The following STEAP3 variants were observed in gnomAD, a reference collection of about 807,000 sequenced individuals.
STEAP3 encodes the protein metalloreductase STEAP3.
In STEAP3, 35 loss-of-function variants were observed where a neutral mutation model predicts 34.9. The observed-to-expected ratio is 1.00, with a 90% CI of 0.76 to 1.33. The LOEUF (loss-of-function observed/expected upper bound fraction) is 1.33, where lower values mean the gene tolerates loss of function less well. Ranked by LOEUF, STEAP3 falls within the 40% of genes most tolerant of loss-of-function variation. The probability of loss-of-function intolerance (pLI) is 0.00; values close to 1 mark genes in which losing one functional copy is unlikely to be tolerated. For missense variants in STEAP3, 652 were observed against 667.6 expected, an observed-to-expected ratio of 0.98 and a Z score of 0.26; for synonymous variants, 281 against 301.6, an observed-to-expected ratio of 0.93 and a Z score of 0.71.
chr2:119,252,201 C>G (rs188756503), intron 4 of STEAP3, among the ~76,000 whole-genome samples: 1 of 152,340 alleles, frequency 6.6e-6, no homozygotes, highest in African/African-American at 2.4e-5. Flanking sequence ...GTGCCTGTTC[C>G]ATGCTACTCA....
At chr2:119,246,953 GTACC>G in intron 3 of STEAP3, 1 of 152,218 alleles carries the variant, frequency 6.6e-6, no homozygotes, top group East Asian at 1.9e-4. Context: ...GAAGACTATA[GTACC>G]TACCTGCGGG....
chr2:119,247,232 G>C (rs1048402443), intron 3 of STEAP3, among the ~76,000 whole-genome samples: 1 of 152,142 alleles, frequency 6.6e-6, no homozygotes, highest in African/African-American at 2.4e-5. Context: ...CATCAAGGGG[G>C]GTGATTCTGA....
intron 5 of STEAP3, among the ~76,000 whole-genome samples, chr2:119,259,811 C>T (rs1343664206): frequency 6.6e-6 from 1 of 152,196 alleles, no homozygotes; most frequent in Admixed American, 6.5e-5. Context: ...CTGGGAAAGC[C>T]CACGACACAG....
chr2:119,257,703 TC>T, intron 5 of STEAP3: 2 of 1,407,640 alleles, frequency 1.4e-6, no homozygotes, highest in Non-Finnish European at 1.9e-6. Flanking sequence ...GCTGCAACCT[TC>T]TCCTTTAAAG....
intron 5 of STEAP3, among the ~76,000 whole-genome samples, chr2:119,256,627 T>A (rs1677781674): frequency 6.6e-6 from 1 of 152,184 alleles, no homozygotes; most frequent in African/African-American, 2.4e-5. Context: ...GAAATACAAA[T>A]AGGACAGTCC....
chr2:119,248,122 C>T lies in STEAP3; in HGVS notation c.966C>T (p.Cys322=), dbSNP rs145832236. Residue 322 remains cysteine, a synonymous_variant, in exon 4 of 6, where the codon TGC becomes TGT. Transcript: ENST00000393110. Reference sequence around the variant, plus strand: ...AGATCGGGCTGCTCAGCTTCTTCTGCGCCGCCCTGCACGCCCTCTACAGCT... The same window carrying T: ...AGATCGGGCTGCTCAGCTTCTTCTGTGCCGCCCTGCACGCCCTCTACAGCT... ...RKQIGLLSFF[C]AALHALYSFC... The T allele has an allele frequency of 5.2e-5, 84 of 1,608,590 alleles. No homozygotes were observed. The highest frequency in any genetic ancestry group is 3.2e-5 in the Non-Finnish European group (38 of 1,179,928).
Position 119,247,930 on chromosome 2 carries a change from C to G in STEAP3, c.774C>G (p.Phe258Leu). Residue 258 changes from phenylalanine (F) to leucine (L), a missense_variant, in exon 4 of 6, where the codon TTC becomes TTG. Coordinates refer to ENST00000393110, the MANE Select transcript of STEAP3 (RefSeq NM_182915.3). ...TGCAGGAAAGCCAGAACAAGTTCTTCAAGCTGCCCGTGTCCGTGGTCAACA... is the reference window on the plus strand; with the variant it reads ...TGCAGGAAAGCCAGAACAAGTTCTTGAAGCTGCCCGTGTCCGTGGTCAACA... The part of the protein sequence containing the change: ...PYVQESQNKF[F>L]KLPVSVVNTT... 6.2e-7 allele frequency: 1 copy of G among 1,613,830 alleles called. No individual in the cohort carries two copies. Among genetic ancestry groups the G allele is most frequent in the Non-Finnish European group, 8.5e-7 (1 of 1,180,014 alleles).
At chr2:119,248,432 TG>T in intron 4 of STEAP3, 1 of 565,888 alleles carries the variant, frequency 1.8e-6, no homozygotes, top group Non-Finnish European at 3.1e-6. Flanking sequence ...ACAGCCCAGT[TG>T]GGGCAGACTT....
intron 1 of STEAP3, among the ~76,000 whole-genome samples, chr2:119,225,767 A>G (rs377721550): frequency 6.6e-6 from 1 of 152,238 alleles, no homozygotes; most frequent in Admixed American, 6.5e-5. Flanking sequence ...GACGAGTCCA[A>G]ATCTCAGCTC....
Position 119,263,634 on chromosome 2 carries a change from T to C in STEAP3, c.*296T>C. On this transcript the variant is annotated 3_prime_UTR_variant, in exon 6 of 6. Transcript: ENST00000393110. The stretch of plus-strand genomic sequence containing the variant: ...AGATTTAAAAACAAGTGCCGTACGT[T>C]AAGAGAAGAGCAGATCATGCTATTG... 1 of 485,274 alleles carries C rather than the reference T, an allele frequency of 2.1e-6. No individual in the cohort carries two copies. Among genetic ancestry groups the C allele is most frequent in the Non-Finnish European group, 3.8e-6 (1 of 266,344 alleles). The allele number at this position is 485,274 out of a possible 1,614,324, so 30.1% of individuals were successfully genotyped here. A position where few individuals can be genotyped will look rare whatever the true frequency, so the allele number is the denominator to read the frequency against.
intron 4 of STEAP3, among the ~76,000 whole-genome samples, chr2:119,251,502 T>A (rs1485107654): frequency 6.6e-6 from 1 of 152,138 alleles, no homozygotes; most frequent in African/African-American, 2.4e-5. Flanking sequence ...AAGATCAAGA[T>A]CAAAGAAATG....
chr2:119,242,509 AC>A (rs1397076483), intron 2 of STEAP3, among the ~76,000 whole-genome samples: 1 of 152,114 alleles, frequency 6.6e-6, no homozygotes, highest in Non-Finnish European at 1.5e-5. Context: ...CATAACTGTC[AC>A]CCAGCTCTTC....
At chr2:119,243,498 C>T (rs1482977409) in intron 2 of STEAP3, among the ~76,000 whole-genome samples, 3 of 152,200 alleles carry the variant, frequency 2.0e-5, no homozygotes, top group Non-Finnish European at 4.4e-5. Flanking sequence ...AGCCTCAGTT[C>T]CCTCCTCTGT....
chr2:119,224,426 CCCG>C (rs1315572741), intron 1 of STEAP3, among the ~76,000 whole-genome samples: 3 of 152,204 alleles, frequency 2.0e-5, no homozygotes, highest in Non-Finnish European at 4.4e-5. Flanking sequence ...CTCACCAGTG[CCCG>C]CCTCTGCCCG....
chr2:119,247,651 G>A (rs754496500), intron 3 of STEAP3, 28 bp from the exon 4 acceptor site: 31 of 1,508,280 alleles, frequency 2.1e-5, no homozygotes, highest in Admixed American at 1.3e-4. Context: ...CTGTGACGCC[G>A]TCTGACTGCC....
At chr2:119,226,643 T>TCTGTCTCCTGCAGCTGGGTGCACCCAC (rs1679048698) in intron 1 of STEAP3, among the ~76,000 whole-genome samples, 2 of 152,216 alleles carry the variant, frequency 1.3e-5, no homozygotes, top group South Asian at 4.1e-4. Context: ...CTTCCTCCCA[T>TCTGTCTCCTGCAGCTGGGTGCACCCAC]CTGTCTCCTG....
chr2:119,256,787 T>C (rs1012377608), intron 5 of STEAP3, among the ~76,000 whole-genome samples: 5 of 152,152 alleles, frequency 3.3e-5, no homozygotes, highest in African/African-American at 1.2e-4. Flanking sequence ...GAGTTCCAGC[T>C]TTCCCTCCCC....
intron 2 of STEAP3, among the ~76,000 whole-genome samples, chr2:119,238,040 G>A (rs774118833): frequency 3.3e-5 from 5 of 152,204 alleles, no homozygotes; most frequent in Non-Finnish European, 5.9e-5. Flanking sequence ...GGATGGATAG[G>A]CCACATTTTG....
chr2:119,248,275 C>T, intron 4 of STEAP3, 69 bp downstream of exon 4: 2 of 1,481,198 alleles, frequency 1.4e-6, no homozygotes, highest in Non-Finnish European at 1.8e-6. Flanking sequence ...CCCCCCCCCA[C>T]CAACCAGGTG....
Sources: allele counts gnomAD v4.1 joint callset (sites outside exome capture counted in the v4.1 genomes callset), GRCh38; gene constraint gnomAD v4.1.1; transcripts MANE v1.5; gene names NCBI Gene and HGNC (gene_info 2026-07-23, HGNC 2026-07-21).